Variants in SNTG1 observed in about 807,000 individuals in gnomAD.
SNTG1 encodes gamma-1-syntrophin.
SNTG1 carries 39 observed loss-of-function variants against 74.7 expected under a neutral mutation model. The ratio of observed to expected loss-of-function variants is 0.52; its 90% CI spans 0.40 to 0.68. The LOEUF (loss-of-function observed/expected upper bound fraction) is 0.68, where lower values mean the gene tolerates loss of function less well. Ranked by LOEUF, SNTG1 falls within the 30% of genes least tolerant of loss-of-function variation. The probability of loss-of-function intolerance (pLI) is 0.00; values close to 1 mark genes in which losing one functional copy is unlikely to be tolerated. For missense variants in SNTG1, 685 were observed against 609.5 expected (o/e 1.12, Z -1.30); for synonymous variants, 254 against 217.1 (o/e 1.17, Z -1.49).
chr8:50,781,497 G>A (rs1390042892), intron 18 of SNTG1, among the ~76,000 whole-genome samples: 1 of 152,066 alleles, frequency 6.6e-6, no homozygotes, highest in African/African-American at 2.4e-5. Context: ...TTGGTTTAAA[G>A]TCTGTTTCAT....
At chr8:50,511,970 G>A (rs1267491312) in intron 9 of SNTG1, among the ~76,000 whole-genome samples, 7 of 151,322 alleles carry the variant, frequency 4.6e-5, no homozygotes, top group African/African-American at 1.7e-4. Flanking sequence ...GATGTTAGCT[G>A]GTTATTTTGC....
intron 2 of SNTG1, among the ~76,000 whole-genome samples, chr8:50,361,500 A>C (rs760958061): frequency 9.9e-5 from 15 of 152,242 alleles, no homozygotes; most frequent in Non-Finnish European, 2.1e-4. Flanking sequence ...ATGGTTTCAA[A>C]CCTTTTGTTT....
intron 8 of SNTG1, among the ~76,000 whole-genome samples, chr8:50,496,358 AG>A (rs2093904241): frequency 6.6e-6 from 1 of 152,074 alleles, no homozygotes; most frequent in African/African-American, 2.4e-5. Context: ...CTGTGAAGGG[AG>A]GTGTGTGCGT....
intron 1 of SNTG1, among the ~76,000 whole-genome samples, chr8:50,090,362 G>T (rs1255802077): frequency 6.6e-6 from 1 of 152,154 alleles, no homozygotes; most frequent in South Asian, 2.1e-4. Flanking sequence ...CCTGGATGCA[G>T]TTTCTCTCAC....
intron 2 of SNTG1, among the ~76,000 whole-genome samples, chr8:50,203,221 C>G (rs1368941693): frequency 6.6e-6 from 1 of 152,132 alleles, no homozygotes; most frequent in African/African-American, 2.4e-5. Context: ...CAGAGTTTTT[C>G]AGTTCTAGCA....
At chr8:50,473,912 G>A (rs2093673933) in intron 8 of SNTG1, among the ~76,000 whole-genome samples, 1 of 152,026 alleles carries the variant, frequency 6.6e-6, no homozygotes. Context: ...AGAGCCTGGG[G>A]GAAGAAGGGA....
chr8:50,343,244 C>A (rs1294092819), intron 2 of SNTG1, among the ~76,000 whole-genome samples: 2 of 152,254 alleles, frequency 1.3e-5, no homozygotes, highest in East Asian at 1.9e-4. Flanking sequence ...GTAAGAACGA[C>A]CATCAGCATT....
chr8:49,973,213 G>A (rs1811869383), intron 1 of SNTG1, among the ~76,000 whole-genome samples: 1 of 152,114 alleles, frequency 6.6e-6, no homozygotes, highest in African/African-American at 2.4e-5. Flanking sequence ...GTCCTTTGTA[G>A]GGACATGGAT....
At position 50,233,001 on chromosome 8, in the gene SNTG1, TAA is replaced by T. The variant is rs749611588; in HGVS notation, c.-28+60367_-28+60368del. Among the ~76,000 whole-genome samples the T allele has an allele frequency of 1.1e-3, 163 of 151,796 alleles. 1 individual carries two copies. Among genetic ancestry groups the T allele is most frequent in the Non-Finnish European group, 1.7e-3 (113 of 67,626 alleles). ...AAGATGTCATTGTCAAATTGATACA[TAA>T]GTTTAATGAAATTCCTGCCAAAATT... is the stretch of plus-strand genomic sequence containing the variant. On this transcript the variant is annotated intron_variant, in intron 2 of 18. Coordinates refer to ENST00000642720, the MANE Select transcript of SNTG1 (RefSeq NM_018967.5).
chr8:50,376,731 A>T (rs1029388480), intron 2 of SNTG1, among the ~76,000 whole-genome samples: 11 of 22,224 alleles, frequency 4.9e-4, no homozygotes, highest in East Asian at 1.6e-3. Context: ...TTAATAAATT[A>T]TATATATATA....
intron 5 of SNTG1, among the ~76,000 whole-genome samples, chr8:50,439,428 A>G (rs2093337283): frequency 6.6e-6 from 1 of 152,084 alleles, no homozygotes; most frequent in Non-Finnish European, 1.5e-5. Flanking sequence ...TCATATATTT[A>G]TGGAAAGCAG....
chr8:50,188,631 T>C (rs1356675181), intron 2 of SNTG1, among the ~76,000 whole-genome samples: 1 of 152,108 alleles, frequency 6.6e-6, no homozygotes, highest in Non-Finnish European at 1.5e-5. Flanking sequence ...TCCTATTCCT[T>C]CAAGGTGTGC....
At position 50,221,644 on chromosome 8, in the gene SNTG1, A is replaced by G. The variant is rs931533758; in HGVS notation, c.-28+49009A>G. Among the ~76,000 whole-genome samples the G allele has an allele frequency of 7.9e-5, 12 of 152,206 alleles. No homozygotes were observed. The South Asian group carries it at 1.0e-3, about 13-fold the overall frequency. The stretch of plus-strand genomic sequence containing the variant: ...GTAGAAGATTGCAGTATATCCGTGT[A>G]TGCTGTATGTGTGACCCATTTAAAA... On this transcript the variant is annotated intron_variant, in intron 2 of 18. Transcript: ENST00000642720.
chr8:50,202,465 C>T (rs1458186692), intron 2 of SNTG1, among the ~76,000 whole-genome samples: 3 of 151,960 alleles, frequency 2.0e-5, no homozygotes, highest in Admixed American at 6.6e-5. Flanking sequence ...AGTCTTTTTC[C>T]ACCGATTCTT....
chr8:50,444,480 C>A (rs544994951), intron 5 of SNTG1, among the ~76,000 whole-genome samples: 1 of 152,216 alleles, frequency 6.6e-6, no homozygotes, highest in African/African-American at 2.4e-5. Flanking sequence ...GGGACAGGCA[C>A]AGGGCTCACA....
In SNTG1 at chr8:50,717,967, G is replaced by A. The variant is rs533924305; in HGVS notation, c.1284+8989G>A. ...AAGTCTTGATCAACCAGTCAGCAGA[G>A]TTAATGTCTGTTACATTTCAGTCCT... On this transcript the variant is annotated intron_variant, in intron 17 of 18. Transcript: ENST00000642720. 2.6e-5 allele frequency among the ~76,000 whole-genome samples: 4 copies of A among 152,268 alleles called. No homozygotes were observed. The East Asian group carries it at 5.8e-4, about 22-fold the overall frequency.
chr8:50,097,346 A>T (rs1489171102), intron 1 of SNTG1, among the ~76,000 whole-genome samples: 1 of 152,232 alleles, frequency 6.6e-6, no homozygotes. Context: ...CTAGGAACTA[A>T]TAGTTTTAAA....
rs572597185 is a variant in SNTG1 at position 50,327,421 on chromosome 8, C to T, written c.-27-66791C>T. On this transcript the variant is annotated intron_variant, in intron 2 of 18. Coordinates refer to ENST00000642720, the MANE Select transcript of SNTG1 (RefSeq NM_018967.5). ...CCCTTTACTATGGTTCAGTACTTTA[C>T]TCCTGTTACTTTTTCTTGCTTTTTA... Among the ~76,000 whole-genome samples the T allele has an allele frequency of 2.2e-4, 33 of 152,212 alleles. No individual in the cohort carries two copies. The South Asian group carries it at 6.6e-3, about 31-fold the overall frequency.
intron 11 of SNTG1, among the ~76,000 whole-genome samples, chr8:50,541,369 G>A (rs1054483411): frequency 1.3e-5 from 2 of 151,740 alleles, no homozygotes; most frequent in Non-Finnish European, 2.9e-5. Flanking sequence ...ATCATTGCAG[G>A]CATTCTCCTG....
Sources: gnomAD v4.1 joint callset for allele counts (sites outside exome capture counted in the v4.1 genomes callset) on GRCh38, gnomAD v4.1.1 for gene constraint, MANE v1.5 for transcripts, NCBI Gene and HGNC (gene_info 2026-07-23, HGNC 2026-07-21) for gene names.